Variants in APLP2 observed in about 807,000 individuals in gnomAD.
The protein encoded by APLP2 is amyloid beta precursor like protein 2.
In APLP2, 53 loss-of-function variants were observed where a neutral mutation model predicts 89.9. The observed-to-expected ratio is 0.59, with a 90% CI of 0.47 to 0.74. The LOEUF is 0.74. APLP2 is among the 30% of genes least tolerant of loss of function. APLP2 has a pLI of 0.00. For synonymous variants in APLP2, 372 were observed against 348.6 expected (o/e 1.07, Z -0.75); for missense variants, 973 against 975.9 (o/e 1.00, Z 0.04).
chr11:130,102,201 A>C (rs770429790), intron 1 of APLP2, among the ~76,000 whole-genome samples: 1 of 152,348 alleles, frequency 6.6e-6, no homozygotes, highest in African/African-American at 2.4e-5. Context: ...GCGCTTGAAC[A>C]AATATGAATG....
chr11:130,126,994 C>G, intron 8 of APLP2, among the ~76,000 whole-genome samples, 164 bp downstream of exon 8: 1 of 150,912 alleles, frequency 6.6e-6, no homozygotes, highest in East Asian at 1.9e-4. Flanking sequence ...GGGTGGACTT[C>G]TTCACCACCT....
rs1311633901 is a variant in APLP2, at chr11:130,129,110, G to A, written c.1359G>A (p.Val453=). 1 of 1,614,110 alleles carries A rather than the reference G, an allele frequency of 6.2e-7. No homozygotes were observed. Among genetic ancestry groups the A allele is most frequent in the Non-Finnish European group, 8.5e-7 (1 of 1,180,052 alleles). Residue 453 remains valine, a synonymous_variant, in exon 10 of 17, where the codon GTG becomes GTA. Coordinates refer to ENST00000338167, the MANE Select transcript of APLP2 (RefSeq NM_001142276.2). ...CAGCCAGTGAGAAGCAGCAGCTGGT[G>A]GAGACCCACCTGGCCCGAGTGGAAG... The part of the protein sequence containing the change: ...KEAASEKQQL[V]ETHLARVEAM...
At chr11:130,129,296 A>G (rs1211423648) in intron 10 of APLP2, 90 bp downstream of exon 10, 9 of 1,441,134 alleles carry the variant, frequency 6.2e-6, no homozygotes, top group Non-Finnish European at 8.3e-6. Flanking sequence ...TGACATTTGT[A>G]TGACAAGTTC....
At position 130,129,106 on chromosome 11, in the gene APLP2, T is replaced by A. The variant is rs1318896338; in HGVS notation, c.1355T>A (p.Leu452Gln). ...GAAGCAGCCAGTGAGAAGCAGCAGC[T>A]GGTGGAGACCCACCTGGCCCGAGTG... ...EKEAASEKQQ[L>Q]VETHLARVEA... The change falls in exon 10 of 17, where the codon CTG becomes CAG. Residue 452 changes from leucine to glutamine, a missense_variant. Physicochemically the swap from Leu to Gln is moderately radical, Grantham distance 113 (BLOSUM62 -2). Transcript: ENST00000338167. 1.2e-6 allele frequency: 2 copies of A among 1,614,118 alleles called. No homozygotes were observed. The highest frequency in any genetic ancestry group is 1.7e-6 in the Non-Finnish European group (2 of 1,180,046).
At chr11:130,107,926 C>A (rs964000137) in intron 1 of APLP2, among the ~76,000 whole-genome samples, 1 of 152,200 alleles carries the variant, frequency 6.6e-6, no homozygotes, top group African/African-American at 2.4e-5. Flanking sequence ...CTAAAACCAT[C>A]TGATCTTTGA....
At position 130,126,820 on chromosome 11, in the gene APLP2, G is replaced by C. The variant is rs529617034; in HGVS notation, c.1211G>C (p.Arg404Pro). The C allele has an allele frequency of 6.2e-7, 1 of 1,614,056 alleles. No individual in the cohort carries two copies. The change falls in exon 8 of 17, where the codon CGA (arginine) becomes CCA (proline). Residue 404 changes from arginine to proline, a missense_variant. Physicochemically the swap from Arg to Pro is moderately radical, Grantham distance 103. Transcript: ENST00000338167. Reference sequence around the variant, plus strand: ...CAGCTGGAGATTCGGCACCGCAACCGAATGGACAGGGTAAACCTTGACAAT... The same window carrying C: ...CAGCTGGAGATTCGGCACCGCAACCCAATGGACAGGGTAAACCTTGACAAT... ...KEQLEIRHRNRMDRVKKEWEE... is the reference protein window; with the variant it reads ...KEQLEIRHRNPMDRVKKEWEE...
intron 3 of APLP2, chr11:130,114,371 T>C (rs1300458044): frequency 6.6e-6 from 1 of 152,280 alleles, no homozygotes; most frequent in East Asian, 1.9e-4. Flanking sequence ...ATTTGTGTTT[T>C]TCTGTGATCC....
chr11:130,127,897 A>G (rs1950556393), intron 9 of APLP2, 57 bp downstream of exon 9: 1 of 1,497,234 alleles, frequency 6.7e-7, no homozygotes, highest in African/African-American at 1.4e-5. Context: ...AAATACGGTC[A>G]GAGCCCCATT....
intron 1 of APLP2, among the ~76,000 whole-genome samples, chr11:130,105,374 C>G (rs189346800): frequency 3.3e-4 from 50 of 152,184 alleles, no homozygotes; most frequent in Non-Finnish European, 5.9e-4. Flanking sequence ...TGAGATTGCC[C>G]CATTGCACTC....
chr11:130,085,480 CA>C (rs1373294692), intron 1 of APLP2, among the ~76,000 whole-genome samples: 1 of 151,388 alleles, frequency 6.6e-6, no homozygotes, highest in East Asian at 1.9e-4. Flanking sequence ...CAAAACAAAA[CA>C]AAAAAAACTT....
intron 1 of APLP2, among the ~76,000 whole-genome samples, chr11:130,095,957 A>C (rs1212838356): frequency 1.3e-5 from 2 of 151,094 alleles, no homozygotes; most frequent in Non-Finnish European, 3.0e-5. Context: ...CCCTTGACGA[A>C]GTCACATTCT....
intron 1 of APLP2, among the ~76,000 whole-genome samples, chr11:130,097,506 C>A (rs1256543090): frequency 6.6e-6 from 1 of 152,074 alleles, no homozygotes. Context: ...CCAGCCTGGG[C>A]AATATAGTGG....
intron 1 of APLP2, 31 bp downstream of exon 1, chr11:130,070,113 C>T: frequency 7.6e-7 from 1 of 1,310,838 alleles, no homozygotes; most frequent in African/African-American, 1.6e-5. Flanking sequence ...GGAGAGTCGT[C>T]TCCTTCGCCC....
At chr11:130,100,142 C>T (rs915915941) in intron 1 of APLP2, 33 of 152,180 alleles carry the variant, frequency 2.2e-4, no homozygotes, top group African/African-American at 6.8e-4. Flanking sequence ...TTATAGATGA[C>T]GAAAGTGAAG....
At position 130,130,218 on chromosome 11, in the gene APLP2, A is replaced by G. The variant is rs556424618; in HGVS notation, c.1584+52A>G. The G allele has an allele frequency of 3.7e-6, 6 of 1,612,034 alleles. No individual in the cohort carries two copies. In the South Asian group the frequency reaches 5.5e-5, roughly 15 times the overall value. ...GCCGTGAGGGCATTTCCAGTGGGGA[A>G]CATAATGCCTTGACTAATGGTTGAC... is the stretch of plus-strand genomic sequence containing the variant. On this transcript the variant is annotated intron_variant, in intron 11 of 16. Transcript: ENST00000338167.
intron 16 of APLP2, 46 bp from the exon 17 acceptor site, chr11:130,143,301 G>A (rs753362454): frequency 3.8e-5 from 60 of 1,562,144 alleles, no homozygotes; most frequent in Non-Finnish European, 5.3e-5. Flanking sequence ...CCCTGTGCAG[G>A]TCTCTTCCCA....
In APLP2 at chr11:130,127,853, C is replaced by G; in HGVS notation, c.1296+13C>G. On this transcript the variant is annotated intron_variant, in intron 9 of 16. Coordinates refer to ENST00000338167, the MANE Select transcript of APLP2 (RefSeq NM_001142276.2). ...GACTCTGATTCAGGTAAGATGCCTT[C>G]TCTGGGGACATAGCTTTCAGCCTGA... is the stretch of plus-strand genomic sequence containing the variant. 6.2e-7 allele frequency: 1 copy of G among 1,611,382 alleles called. No homozygotes were observed. Among genetic ancestry groups the G allele is most frequent in the East Asian group, 2.2e-5 (1 of 44,864 alleles).
chr11:130,106,993 C>T (rs950639061), intron 1 of APLP2, among the ~76,000 whole-genome samples: 3 of 152,118 alleles, frequency 2.0e-5, no homozygotes, highest in Non-Finnish European at 2.9e-5. Context: ...GGCCCAGATT[C>T]CTTTTTTATG....
Position 130,126,698 on chromosome 11 carries a change from A to T in APLP2, c.1091-2A>T. 6.2e-7 allele frequency: 1 copy of T among 1,613,696 alleles called. No individual in the cohort carries two copies. Among genetic ancestry groups the T allele is most frequent in the Non-Finnish European group, 8.5e-7 (1 of 1,179,576 alleles). On this transcript the variant is annotated splice_acceptor_variant, in intron 7 of 16. Transcript: ENST00000338167. LOFTEE classifies it high-confidence loss of function. ...AGAACTCCCTCTGTAATTTTGTTTC[A>T]GTTCCTCCAACTCCTCTGCCAACCA... is the stretch of plus-strand genomic sequence containing the variant.
Sources: gnomAD v4.1 joint callset for allele counts (sites outside exome capture counted in the v4.1 genomes callset) on GRCh38, gnomAD v4.1.1 for gene constraint, MANE v1.5 for transcripts, NCBI Gene and HGNC (gene_info 2026-07-23, HGNC 2026-07-21) for gene names.